Variants in MUCL3 observed in about 807,000 individuals in gnomAD.
MUCL3 encodes mucin like 3, also known as mucin-like protein 3.
Under a neutral mutation model 70.2 loss-of-function variants are expected in MUCL3, and 42 were observed. That is an observed-to-expected ratio of 0.60 (90% confidence interval 0.47 to 0.77). MUCL3 has a LOEUF of 0.77. Among genes scored for constraint, MUCL3 ranks in the 30% least tolerant of loss-of-function variants. MUCL3 has a pLI of 0.00. For synonymous variants in MUCL3, 522 were observed against 647.0 expected, an observed-to-expected ratio of 0.81 and a Z score of 2.93; for missense variants, 1,429 against 1,670.0, an observed-to-expected ratio of 0.86 and a Z score of 2.52.
At position 30,950,139 on chromosome 6, in the gene MUCL3, C is replaced by T. The variant is rs1044706189; in HGVS notation, c.1675C>T (p.Pro559Ser). The T allele has an allele frequency of 1.2e-5, 18 of 1,549,998 alleles. No homozygotes were observed. In the African/African-American group the frequency reaches 2.5e-4, roughly 21 times the overall value. Residue 559 changes from proline to serine, a missense_variant, in exon 2 of 3, where the codon CCT becomes TCT. Coordinates refer to ENST00000462446, the MANE Select transcript of MUCL3 (RefSeq NM_080870.4). ...GAAGACCACACCATCCCCAGCAGAG[C>T]CTACAGAAAATGGAGACAGGACTCC... ...NEKTTPSPAE[P>S]TENGDRTPLA... is the part of the protein sequence containing the mutation.
At chr6:30,946,422 T>G (rs894031577) in intron 1 of MUCL3, 3 of 152,252 alleles carry the variant, frequency 2.0e-5, no homozygotes, top group African/African-American at 7.2e-5. Flanking sequence ...CCTCTGATTC[T>G]TTAAGGCCAG....
At chr6:30,952,939 T>A (rs767428481) in intron 2 of MUCL3, 32 bp from the exon 3 acceptor site, 11 of 1,610,912 alleles carry the variant, frequency 6.8e-6, no homozygotes, top group Middle Eastern at 3.3e-4. Context: ...TCGCAGATGG[T>A]TCTCATTCCT....
chr6:30,950,202 C>T lies in MUCL3; in HGVS notation c.1738C>T (p.Pro580Ser). Residue 580 changes from proline (P) to serine (S), a missense_variant, in exon 2 of 3, where the codon CCT becomes TCT. Transcript: ENST00000462446. Reference sequence around the variant, plus strand: ...GAAGACCACGCCATCTCTAGCAGAGCCTACAGAAAATGGACAAAGGACCCC... The same window carrying T: ...GAAGACCACGCCATCTCTAGCAGAGTCTACAGAAAATGGACAAAGGACCCC... ...NEKTTPSLAE[P>S]TENGQRTPFA... is the part of the protein sequence containing the mutation. 1 of 1,548,828 alleles carries T rather than the reference C, an allele frequency of 6.5e-7. No homozygotes were observed. The highest frequency in any genetic ancestry group is 2.5e-5 in the East Asian group (1 of 40,760).
At position 30,953,319 on chromosome 6, in the gene MUCL3, A is replaced by G; in HGVS notation, c.*202A>G. On this transcript the variant is annotated 3_prime_UTR_variant, in exon 3 of 3. Coordinates refer to ENST00000462446, the MANE Select transcript of MUCL3 (RefSeq NM_080870.4). Reference sequence around the variant, plus strand: ...GAGGGTGTAAGTTTAGGGGACAAAGAAGAAAGAATGAATAATACGAGCAGA... The same window carrying G: ...GAGGGTGTAAGTTTAGGGGACAAAGGAGAAAGAATGAATAATACGAGCAGA... The G allele has an allele frequency of 1.5e-6, 1 of 689,568 alleles. No homozygotes were observed. The highest frequency in any genetic ancestry group is 2.7e-5 in the East Asian group (1 of 36,558). The allele number at this position is 689,568 out of a possible 1,614,324, so 42.7% of individuals were successfully genotyped here.
chr6:30,949,642 C>T lies in MUCL3; in HGVS notation c.1178C>T (p.Thr393Ile), dbSNP rs1259215702. 4.5e-6 allele frequency: 7 copies of T among 1,547,426 alleles called. No homozygotes were observed. The highest frequency in any genetic ancestry group is 1.7e-4 in the Middle Eastern group (1 of 5,970). Reference protein sequence around the residue: ...HGERTANENTTPSPAEPTEHG... With the variant: ...HGERTANENTIPSPAEPTEHG... ...GAAAGGACAGCCAATGAGAACACTA[C>T]ACCATCCCCAGCAGAGCCTACAGAA... The change falls in exon 2 of 3, where the codon ACA becomes ATA. Residue 393 changes from threonine (T) to isoleucine (I), a missense_variant. Transcript: ENST00000462446.
rs528579255 is a variant in MUCL3 at position 30,940,993 on chromosome 6, C to T, written c.-7C>T. 5.2e-6 allele frequency: 8 copies of T among 1,548,698 alleles called. No individual in the cohort carries two copies. The Admixed American group carries it at 1.2e-4, about 23-fold the overall frequency. ...CCATGGTCCCCAAGCAGCCACCCAG[C>T]TCCGACATGGCCCAGCCGGTCCACA... On this transcript the variant is annotated 5_prime_UTR_variant, in exon 1 of 3. Transcript: ENST00000462446. This position sits in a 1 kb window ranked among gnomAD's most constrained non-coding sequence, Gnocchi z 4.4.
chr6:30,952,243 A>T lies in MUCL3; in HGVS notation c.3779A>T (p.His1260Leu). The T allele has an allele frequency of 6.2e-7, 1 of 1,614,156 alleles. No homozygotes were observed. The highest frequency in any genetic ancestry group is 1.3e-5 in the African/African-American group (1 of 75,048). Residue 1260 changes from histidine to leucine, a missense_variant, in exon 2 of 3, where the codon CAT becomes CTT. Physicochemically the swap from His to Leu is moderately conservative, Grantham distance 99. Transcript: ENST00000462446. ...AAATCTCTCACTACTACCTCTTCTC[A>T]TCTAAATAAAACTGAAGTTACTCAT... ...GDKSLTTTSS[H>L]LNKTEVTHQV...
chr6:30,950,132 A>C lies in MUCL3; in HGVS notation c.1668A>C (p.Pro556=). The part of the protein sequence containing the change: ...RTANEKTTPS[P]AEPTENGDRT... ...CCAATGAGAAGACCACACCATCCCC[A>C]GCAGAGCCTACAGAAAATGGAGACA... is the stretch of plus-strand genomic sequence containing the variant. The change falls in exon 2 of 3, where the codon CCA becomes CCC. Residue 556 remains proline (P), a synonymous_variant. Coordinates refer to ENST00000462446, the MANE Select transcript of MUCL3 (RefSeq NM_080870.4). 4 of 1,551,828 alleles carry C rather than the reference A, an allele frequency of 2.6e-6. No individual in the cohort carries two copies. The highest frequency in any genetic ancestry group is 3.5e-6 in the Non-Finnish European group (4 of 1,147,040).
At chr6:30,945,506 G>C (rs1213639002) in intron 1 of MUCL3, among the ~76,000 whole-genome samples, 1 of 151,656 alleles carries the variant, frequency 6.6e-6, no homozygotes, top group Non-Finnish European at 1.5e-5. Flanking sequence ...TGAGGAGGGG[G>C]CATACTGGCT....
chr6:30,941,451 CTTCTTCTT>C (rs1288439057), intron 1 of MUCL3, among the ~76,000 whole-genome samples: 5 of 107,344 alleles, frequency 4.7e-5, no homozygotes, highest in African/African-American at 1.5e-4. Flanking sequence ...TCTTCTTCTT[CTTCTTCTT>C]TTTTTTTTTT....
chr6:30,945,613 C>T (rs1795748070), intron 1 of MUCL3, among the ~76,000 whole-genome samples: 1 of 152,014 alleles, frequency 6.6e-6, no homozygotes. Flanking sequence ...TGCCACTGCA[C>T]TCCAGCCTGG....
At position 30,952,052 on chromosome 6, in the gene MUCL3, C is replaced by T; in HGVS notation, c.3588C>T (p.Cys1196=). 6.2e-7 allele frequency: 1 copy of T among 1,610,752 alleles called. No homozygotes were observed. Among genetic ancestry groups the T allele is most frequent in the Non-Finnish European group, 8.5e-7 (1 of 1,179,440 alleles). Residue 1196 remains cysteine (C), a synonymous_variant, in exon 2 of 3, where the codon TGC becomes TGT. Transcript: ENST00000462446. The stretch of plus-strand genomic sequence containing the variant: ...CGCTATACTCAGAGAAGACCATATG[C>T]ACCAAAGGGAAAAACACACCAGTCC... The part of the protein sequence containing the change: ...KPTLYSEKTI[C]TKGKNTPVPE...
At position 30,950,389 on chromosome 6, in the gene MUCL3, C is replaced by A. The variant is rs553151678; in HGVS notation, c.1925C>A (p.Thr642Lys). 7.7e-6 allele frequency: 12 copies of A among 1,549,746 alleles called. No homozygotes were observed. The South Asian group carries it at 1.4e-4, about 18-fold the overall frequency. Residue 642 changes from threonine (T) to lysine (K), a missense_variant, in exon 2 of 3, where the codon ACA (threonine) becomes AAA (lysine). Physicochemically the swap from Thr to Lys is moderately conservative, Grantham distance 78. Transcript: ENST00000462446. ...ENTTPSPAGPTENREMTANEK... is the reference protein window; with the variant it reads ...ENTTPSPAGPKENREMTANEK... ...ACCACACCATCCCCAGCAGGGCCTA[C>A]AGAAAATAGAGAAATGACAGCCAAC... is the stretch of plus-strand genomic sequence containing the variant.
Position 30,951,469 on chromosome 6 carries a change from CAG to C in MUCL3, c.3007_3008del (p.Glu1003ThrfsTer8), listed in dbSNP as rs1760685501. 6.4e-7 allele frequency: 1 copy of C among 1,550,462 alleles called. No individual in the cohort carries two copies. The highest frequency in any genetic ancestry group is 8.7e-7 in the Non-Finnish European group (1 of 1,146,760). ...ACCACAACATCCCCAACAGAGTCTACAGAACATGGAGAAAGGACAGCCAATGA... is the reference window on the plus strand; with the variant it reads ...ACCACAACATCCCCAACAGAGTCTACAACATGGAGAAAGGACAGCCAATGA... On this transcript the variant is annotated frameshift_variant, in exon 2 of 3. Coordinates refer to ENST00000462446, the MANE Select transcript of MUCL3 (RefSeq NM_080870.4). LOFTEE classifies it high-confidence loss of function.
chr6:30,942,823 C>T (rs1795633912), intron 1 of MUCL3, among the ~76,000 whole-genome samples: 1 of 152,092 alleles, frequency 6.6e-6, no homozygotes, highest in African/African-American at 2.4e-5. Flanking sequence ...AGATTTGCTT[C>T]AGGGCGGAGA....
Position 30,949,786 on chromosome 6 carries a change from C to A in MUCL3, c.1322C>A (p.Pro441His), listed in dbSNP as rs1760523117. The change falls in exon 2 of 3, where the codon CCT (proline) becomes CAT (histidine). Residue 441 changes from proline to histidine, a missense_variant. Transcript: ENST00000462446. ...NENTTPSPAEPTENRERTANE... is the reference protein window; with the variant it reads ...NENTTPSPAEHTENRERTANE... ...AACACCACACCATCCCCAGCAGAGC[C>A]TACAGAAAATAGAGAAAGGACAGCC... The A allele has an allele frequency of 1.9e-6, 3 of 1,550,090 alleles. No homozygotes were observed. The highest frequency in any genetic ancestry group is 2.6e-6 in the Non-Finnish European group (3 of 1,146,648).
intron 1 of MUCL3, among the ~76,000 whole-genome samples, chr6:30,941,879 C>A (rs1402030720): frequency 6.6e-6 from 1 of 152,106 alleles, no homozygotes; most frequent in Non-Finnish European, 1.5e-5. Flanking sequence ...GGGAGGTAAG[C>A]AGGGATTCCA....
chr6:30,941,457 C>CTTTTTTTTTTTTTTT (rs9278811), intron 1 of MUCL3, among the ~76,000 whole-genome samples: 1 of 105,258 alleles, frequency 9.5e-6, no homozygotes, highest in Non-Finnish European at 2.0e-5. Flanking sequence ...TCTTCTTCTT[C>CTTTTTTTTTTTTTTT]TTTTTTTTTT....
At chr6:30,944,596 G>C (rs1211705492) in intron 1 of MUCL3, among the ~76,000 whole-genome samples, 1 of 152,204 alleles carries the variant, frequency 6.6e-6, no homozygotes, top group Admixed American at 6.5e-5. Context: ...TTTCAAATGA[G>C]TGAACAAAGC....
Sources: allele counts gnomAD v4.1 joint callset (sites outside exome capture counted in the v4.1 genomes callset), GRCh38; gene constraint gnomAD v4.1.1; non-coding constraint Gnocchi (gnomAD v3.1); transcripts MANE v1.5; gene names NCBI Gene and HGNC (gene_info 2026-07-23, HGNC 2026-07-21).